Variants in RAD51B observed in about 807,000 individuals in gnomAD.
RAD51B encodes the protein RAD51 paralog B.
A neutral mutation model predicts 42.2 loss-of-function variants in RAD51B; 38 were observed. The observed-to-expected ratio is 0.90, with a 90% confidence interval of 0.70 to 1.18. RAD51B has a LOEUF of 1.18. Ranked by LOEUF, RAD51B falls within the 50% of genes most tolerant of loss-of-function variation. RAD51B has a pLI of 0.00. For missense variants in RAD51B, 373 were observed against 400.7 expected, an observed-to-expected ratio of 0.93 and a Z score of 0.59; for synonymous variants, 154 against 145.2, an observed-to-expected ratio of 1.06 and a Z score of -0.43.
chr14:67,869,773 G>A (rs1374895258), intron 5 of RAD51B, among the ~76,000 whole-genome samples: 2 of 152,128 alleles, frequency 1.3e-5, no homozygotes, highest in Non-Finnish European at 2.9e-5. Context: ...GAGAGTGGGG[G>A]CCAACATTCA....
intron 7 of RAD51B, among the ~76,000 whole-genome samples, chr14:68,196,907 T>G (rs551519478): frequency 6.6e-6 from 1 of 152,366 alleles, no homozygotes; most frequent in Admixed American, 6.5e-5. Flanking sequence ...ATACTTTGTT[T>G]GAAGACAGGT....
intron 8 of RAD51B, among the ~76,000 whole-genome samples, chr14:68,313,442 G>A (rs750942905): frequency 1.3e-5 from 2 of 152,170 alleles, no homozygotes; most frequent in Non-Finnish European, 2.9e-5. Flanking sequence ...ACAGGGATGT[G>A]TTTTAGAGCC....
At chr14:68,493,234 T>C (rs1278789806) in intron 10 of RAD51B, among the ~76,000 whole-genome samples, 1 of 152,220 alleles carries the variant, frequency 6.6e-6, no homozygotes, top group Non-Finnish European at 1.5e-5. Context: ...ATAAATCAAG[T>C]TCTCAAAGAC....
intron 8 of RAD51B, among the ~76,000 whole-genome samples, chr14:68,334,399 G>T (rs776693792): frequency 2.6e-5 from 4 of 152,154 alleles, no homozygotes; most frequent in Non-Finnish European, 4.4e-5. Context: ...AAATGAAAGT[G>T]GATCTTTGTA....
chr14:68,566,250 G>A (rs1482045599), intron 10 of RAD51B, among the ~76,000 whole-genome samples: 2 of 152,208 alleles, frequency 1.3e-5, no homozygotes, highest in Non-Finnish European at 2.9e-5. Context: ...TTTGCTGAAT[G>A]ACTGCTGACT....
chr14:67,824,457 C>G (rs1439622924), intron 2 of RAD51B, among the ~76,000 whole-genome samples: 1 of 152,020 alleles, frequency 6.6e-6, no homozygotes, highest in Non-Finnish European at 1.5e-5. Context: ...GGGGTTTCAC[C>G]ATGTTGGCCA....
intron 7 of RAD51B, among the ~76,000 whole-genome samples, chr14:68,164,578 G>A (rs1029338057): frequency 9.2e-5 from 14 of 152,170 alleles, no homozygotes; most frequent in Non-Finnish European, 7.4e-5. Flanking sequence ...GAGCATTGTG[G>A]AGTGTGGTGG....
chr14:68,257,949 A>G (rs2080788084), intron 7 of RAD51B, among the ~76,000 whole-genome samples: 2 of 152,202 alleles, frequency 1.3e-5, no homozygotes, highest in Admixed American at 1.3e-4. Context: ...AGAGCATAGG[A>G]ACTGACATTT....
chr14:68,073,948 C>G (rs2076793523), intron 7 of RAD51B, among the ~76,000 whole-genome samples: 2 of 152,072 alleles, frequency 1.3e-5, no homozygotes, highest in Admixed American at 6.5e-5. Flanking sequence ...TCTCTAGGTG[C>G]CTTTAATATT....
intron 7 of RAD51B, among the ~76,000 whole-genome samples, chr14:67,894,383 T>C (rs1425819065): frequency 1.3e-5 from 2 of 152,186 alleles, no homozygotes; most frequent in East Asian, 3.8e-4. Context: ...CCCTCCTTTA[T>C]CTGGTTAACT....
intron 7 of RAD51B, among the ~76,000 whole-genome samples, chr14:67,927,001 T>C (rs530721082): frequency 5.3e-4 from 80 of 152,216 alleles, no homozygotes; most frequent in Non-Finnish European, 1.9e-4. Context: ...GCCAATGATA[T>C]GTTACAAAGT....
At chr14:67,985,118 A>G (rs1429785846) in intron 7 of RAD51B, among the ~76,000 whole-genome samples, 3 of 152,220 alleles carry the variant, frequency 2.0e-5, no homozygotes, top group Non-Finnish European at 4.4e-5. Context: ...TGAAATCTTT[A>G]AGTATACAGA....
intron 7 of RAD51B, among the ~76,000 whole-genome samples, chr14:68,161,601 G>A (rs1251688331): frequency 6.6e-6 from 1 of 152,154 alleles, no homozygotes; most frequent in Non-Finnish European, 1.5e-5. Context: ...CCCCCCAAAA[G>A]GGATTCTGGA....
At chr14:68,545,128 G>C (rs1888154013) in intron 10 of RAD51B, among the ~76,000 whole-genome samples, 1 of 152,218 alleles carries the variant, frequency 6.6e-6, no homozygotes, top group South Asian at 2.1e-4. Flanking sequence ...ATGAGTTTCT[G>C]TTCAGATGGA....
At chr14:68,584,622 C>G (rs548898015) in intron 10 of RAD51B, among the ~76,000 whole-genome samples, 1 of 152,284 alleles carries the variant, frequency 6.6e-6, no homozygotes, top group African/African-American at 2.4e-5. Context: ...CCCAGCTGTT[C>G]TTATTTCTAT....
intron 8 of RAD51B, among the ~76,000 whole-genome samples, chr14:68,395,281 G>C (rs2083883297): frequency 6.6e-6 from 1 of 152,068 alleles, no homozygotes. Flanking sequence ...ATACAAAGCT[G>C]TTTTGCAAAC....
intron 10 of RAD51B, among the ~76,000 whole-genome samples, chr14:68,570,915 G>GCACACACACACACATC: frequency 6.8e-6 from 1 of 148,082 alleles, no homozygotes; most frequent in East Asian, 2.0e-4. Context: ...ACACACACAT[G>GCACACACACACACATC]CACACACACA....
intron 7 of RAD51B, among the ~76,000 whole-genome samples, chr14:67,959,669 A>G (rs1001714756): frequency 6.6e-6 from 1 of 152,240 alleles, no homozygotes; most frequent in Non-Finnish European, 1.5e-5. Context: ...AAAATTTACC[A>G]TGCTGTCTTC....
At chr14:68,295,944 A>C (rs1208790804) in intron 8 of RAD51B, among the ~76,000 whole-genome samples, 1 of 152,042 alleles carries the variant, frequency 6.6e-6, no homozygotes, top group Non-Finnish European at 1.5e-5. Context: ...GATTTTGTAT[A>C]CCTTTGTGTG....
Sources: allele counts gnomAD v4.1 joint callset (sites outside exome capture counted in the v4.1 genomes callset), GRCh38; gene constraint gnomAD v4.1.1; transcripts MANE v1.5; gene names NCBI Gene and HGNC (gene_info 2026-07-23, HGNC 2026-07-21).